GLIS3: variants seen among roughly 807,000 people sequenced by gnomAD.
GLIS3 encodes GLIS family zinc finger 3, also known as zinc finger protein GLIS3.
GLIS3 carries 53 observed loss-of-function variants against 78.6 expected under a neutral mutation model. That is an observed-to-expected ratio of 0.67 (90% CI 0.54 to 0.85). The LOEUF is 0.85. Among genes scored for constraint, GLIS3 ranks in the 40% least tolerant of loss-of-function variants. GLIS3 has a pLI of 0.00. For synonymous variants in GLIS3, 684 were observed against 509.9 expected (o/e 1.34, Z -4.60); for missense variants, 1,703 against 1,231.1 (o/e 1.38, Z -5.74).
intron 2 of GLIS3, among the ~76,000 whole-genome samples, chr9:4,226,255 T>G (rs1821760045): frequency 1.3e-5 from 2 of 152,202 alleles, no homozygotes; most frequent in Admixed American, 6.5e-5. Flanking sequence ...CTTGCTTGGT[T>G]AATTATTTTG....
intron 2 of GLIS3, among the ~76,000 whole-genome samples, chr9:4,337,499 A>G (rs1817771673): frequency 6.6e-6 from 1 of 152,214 alleles, no homozygotes; most frequent in Non-Finnish European, 1.5e-5. Context: ...TTTTGCAATG[A>G]TTCTGAACAT....
In GLIS3 at chr9:4,284,045, A is replaced by G. The variant is rs544647616; in HGVS notation, c.388+1993T>C. 2.0e-5 allele frequency among the ~76,000 whole-genome samples: 3 copies of G among 152,342 alleles called. No individual in the cohort carries two copies. In the East Asian group the frequency reaches 5.8e-4, roughly 29 times the overall value. On this transcript the variant is annotated intron_variant, in intron 2 of 10. Coordinates refer to ENST00000381971, the MANE Select transcript of GLIS3 (RefSeq NM_001042413.2). The stretch of plus-strand genomic sequence containing the variant: ...GGTGTATCAACCCTGAGAATTCACT[A>G]GCACCTGAGGTTTTTTAAGAAAACA...
rs115348996 is a variant in GLIS3, at chr9:4,094,945, T to C, written c.1710+22823A>G. 4.8e-3 allele frequency among the ~76,000 whole-genome samples: 733 copies of C among 152,316 alleles called. 11 individuals carry two copies. Among genetic ancestry groups the C allele is most frequent in the African/African-American group, 0.017 (709 of 41,580 alleles). ...TACATATTCATGGAGCACATAGTGA[T>C]GTTTCAATACATGTAATACATAGTG... On this transcript the variant is annotated intron_variant, in intron 4 of 10. Transcript: ENST00000381971.
intron 4 of GLIS3, among the ~76,000 whole-genome samples, chr9:3,971,945 C>T (rs1251433241): frequency 6.6e-6 from 1 of 152,096 alleles, no homozygotes; most frequent in African/African-American, 2.4e-5. Context: ...CATGTGTTTG[C>T]TCTGGAGAAA....
rs1818871230 is a variant in GLIS3 at position 3,977,136 on chromosome 9, C to G, written c.1711-39947G>C. ...TTGATGACCAGTTTTCACTTAGGAT[C>G]TGCAGAATTCACACCACTCGATACC... On this transcript the variant is annotated intron_variant, in intron 4 of 10. Transcript: ENST00000381971. The surrounding 1 kb of genome is among the most constrained non-coding windows in gnomAD (Gnocchi z 4.1). 6.6e-6 allele frequency among the ~76,000 whole-genome samples: 1 copy of G among 152,138 alleles called. No homozygotes were observed. Among genetic ancestry groups the G allele is most frequent in the Admixed American group, 6.6e-5 (1 of 15,266 alleles).
At chr9:4,391,671 G>A in the GLIS3 span, among the ~76,000 whole-genome samples, 5 of 151,966 alleles carry the variant, frequency 3.3e-5, no homozygotes, top group African/African-American at 1.2e-4. Context: ...TAAAAATCTC[G>A]ATTAAGAGCA....
chr9:4,069,051 C>T (rs979419064), intron 4 of GLIS3, among the ~76,000 whole-genome samples: 2 of 152,022 alleles, frequency 1.3e-5, no homozygotes, highest in African/African-American at 2.4e-5. Context: ...GAGTTAGTTC[C>T]AATAAATGTA....
intron 2 of GLIS3, among the ~76,000 whole-genome samples, chr9:4,161,604 C>G (rs1835482821): frequency 6.7e-6 from 1 of 148,388 alleles, no homozygotes; most frequent in African/African-American, 2.5e-5. Context: ...GCTGCCGTAA[C>G]AAAAGTACAA....
intron 2 of GLIS3, among the ~76,000 whole-genome samples, chr9:4,220,001 G>A (rs1204199010): frequency 1.3e-5 from 2 of 152,156 alleles, no homozygotes; most frequent in Admixed American, 1.3e-4. Flanking sequence ...CAGTGGATGA[G>A]CTCAGAAAAT....
Position 4,286,248 on chromosome 9 carries a change from G to C in GLIS3, c.178C>G (p.Leu60Val). 2 of 1,614,242 alleles carry C rather than the reference G, an allele frequency of 1.2e-6. No homozygotes were observed. Among genetic ancestry groups the C allele is most frequent in the Non-Finnish European group, 1.7e-6 (2 of 1,180,040 alleles). Residue 60 changes from leucine (L) to valine (V), a missense_variant, in exon 2 of 11, where the codon CTC becomes GTC. Physicochemically the swap from Leu to Val is conservative, Grantham distance 32. Coordinates refer to ENST00000381971, the MANE Select transcript of GLIS3 (RefSeq NM_001042413.2). ...ATCCCTCCTCCTGAGGGCATCTTGA[G>C]ATGGAGGTTGTTAGCAAGGCTTGCC... ...TMASLANNLH[L>V]KMPSGGGMAP...
the GLIS3 span, among the ~76,000 whole-genome samples, chr9:4,364,275 G>A: frequency 1.3e-5 from 2 of 152,126 alleles, no homozygotes; most frequent in African/African-American, 4.8e-5. Flanking sequence ...TCATCTCTTT[G>A]AAATTAATTC....
chr9:4,085,157 T>C (rs189369238), intron 4 of GLIS3, among the ~76,000 whole-genome samples: 18 of 152,220 alleles, frequency 1.2e-4, no homozygotes, highest in African/African-American at 3.9e-4. Context: ...AGTAAAGCAA[T>C]GGTCAGACAC....
At chr9:4,415,273 C>T in the GLIS3 span, among the ~76,000 whole-genome samples, 1 of 152,202 alleles carries the variant, frequency 6.6e-6, no homozygotes, top group Non-Finnish European at 1.5e-5. Flanking sequence ...TTCTCAGCCT[C>T]ATCCACTTGG....
intron 9 of GLIS3, among the ~76,000 whole-genome samples, chr9:3,846,424 A>G (rs943630604): frequency 6.6e-6 from 1 of 152,208 alleles, no homozygotes; most frequent in African/African-American, 2.4e-5. Context: ...AGCACCAGGT[A>G]TCTGATACAC....
rs570247396 is a variant in GLIS3 at position 3,937,722 on chromosome 9, T to C, written c.1711-533A>G. 3.3e-5 allele frequency among the ~76,000 whole-genome samples: 5 copies of C among 152,320 alleles called. No homozygotes were observed. In the South Asian group the frequency reaches 1.0e-3, roughly 32 times the overall value. ...TCATAAATTTCCTTAACTATATTTG[T>C]AAGTTTTTTCCAACCCTCAAAAGAG... is the stretch of plus-strand genomic sequence containing the variant. On this transcript the variant is annotated intron_variant, in intron 4 of 10. Coordinates refer to ENST00000381971, the MANE Select transcript of GLIS3 (RefSeq NM_001042413.2).
intron 2 of GLIS3, among the ~76,000 whole-genome samples, chr9:4,157,752 A>C (rs1835143936): frequency 6.6e-6 from 1 of 152,176 alleles, no homozygotes; most frequent in Admixed American, 6.5e-5. Context: ...TATGAGGAGC[A>C]TGTTATCCAA....
chr9:4,315,082 A>C (rs1429505582), intron 2 of GLIS3, among the ~76,000 whole-genome samples: 2 of 152,160 alleles, frequency 1.3e-5, no homozygotes, highest in Non-Finnish European at 1.5e-5. Flanking sequence ...GTACTGACTC[A>C]ACCAGAGTGT....
chr9:4,102,981 A>T (rs1830486614), intron 4 of GLIS3, among the ~76,000 whole-genome samples: 1 of 152,180 alleles, frequency 6.6e-6, no homozygotes, highest in South Asian at 2.1e-4. Context: ...AAAATGAAAA[A>T]AAAATCCCTA....
At chr9:3,909,941 A>G (rs1205973176) in intron 6 of GLIS3, among the ~76,000 whole-genome samples, 1 of 152,204 alleles carries the variant, frequency 6.6e-6, no homozygotes, top group Non-Finnish European at 1.5e-5. Context: ...ATTTAATTTT[A>G]ATTAAATTTA....
Sources: allele counts gnomAD v4.1 joint callset (sites outside exome capture counted in the v4.1 genomes callset), GRCh38; gene constraint gnomAD v4.1.1; non-coding constraint Gnocchi (gnomAD v3.1); transcripts MANE v1.5; gene names NCBI Gene and HGNC (gene_info 2026-07-23, HGNC 2026-07-21).